Variants in STARD13 observed in about 807,000 individuals in gnomAD.
STARD13 encodes the protein StAR related lipid transfer domain containing 13.
A neutral mutation model predicts 106.4 loss-of-function variants in STARD13; 62 were observed. That is an observed-to-expected ratio of 0.58 (90% CI 0.48 to 0.72). The LOEUF (loss-of-function observed/expected upper bound fraction) is 0.72, where lower values mean the gene tolerates loss of function less well. Among genes scored for constraint, STARD13 ranks in the 30% least tolerant of loss-of-function variants. STARD13 has a pLI of 0.00. For missense variants in STARD13, 1,387 were observed against 1,424.0 expected, an observed-to-expected ratio of 0.97 and a Z score of 0.42; for synonymous variants, 565 against 553.0, an observed-to-expected ratio of 1.02 and a Z score of -0.31.
chr13:33,601,758 C>G, the STARD13 span, among the ~76,000 whole-genome samples: 7,306 of 152,220 alleles, frequency 0.048, 318 homozygotes, highest in East Asian at 0.25. Flanking sequence ...CTGGTCCTTC[C>G]TTTCACCATG....
chr13:33,439,137 T>G, the STARD13 span, among the ~76,000 whole-genome samples: 19 of 152,186 alleles, frequency 1.2e-4, no homozygotes, highest in Non-Finnish European at 2.6e-4. Context: ...AAATGAAAAG[T>G]ACAACAACAG....
chr13:33,324,455 C>T (rs1893668194), intron 1 of STARD13, among the ~76,000 whole-genome samples: 1 of 152,190 alleles, frequency 6.6e-6, no homozygotes, highest in African/African-American at 2.4e-5. Flanking sequence ...ATTTTGTAAT[C>T]GTGTATCTTT....
intron 1 of STARD13, among the ~76,000 whole-genome samples, chr13:33,265,614 T>C (rs57150318): frequency 0.2 from 31,165 of 152,106 alleles, 3,709 homozygotes; most frequent in African/African-American, 0.31. Flanking sequence ...ACTATAATGT[T>C]AGCAGTTTAA....
the STARD13 span, among the ~76,000 whole-genome samples, chr13:33,645,404 C>G: frequency 1.3e-5 from 2 of 152,134 alleles, no homozygotes; most frequent in African/African-American, 4.8e-5. Flanking sequence ...TGGATTCACC[C>G]AGCTGAGCTC....
the STARD13 span, among the ~76,000 whole-genome samples, chr13:33,510,611 T>G: frequency 6.6e-6 from 1 of 152,140 alleles, no homozygotes; most frequent in African/African-American, 2.4e-5. Flanking sequence ...AAGCTCTCCC[T>G]GGGTCTTCTG....
At chr13:33,231,254 G>A (rs551641955) in intron 1 of STARD13, among the ~76,000 whole-genome samples, 8 of 152,178 alleles carry the variant, frequency 5.3e-5, no homozygotes, top group African/African-American at 4.8e-5. Flanking sequence ...GGCAGCCATC[G>A]GTGCATAAGG....
the STARD13 span, among the ~76,000 whole-genome samples, chr13:33,662,788 C>T: frequency 6.6e-6 from 1 of 152,164 alleles, no homozygotes; most frequent in Non-Finnish European, 1.5e-5. Context: ...AATTTGAAAA[C>T]AGCTACAACC....
the STARD13 span, among the ~76,000 whole-genome samples, chr13:33,553,009 A>AT: frequency 6.6e-6 from 1 of 152,200 alleles, no homozygotes. Context: ...AAAATATAAT[A>AT]TGGATATAGG....
the STARD13 span, among the ~76,000 whole-genome samples, chr13:33,395,233 T>C: frequency 8.5e-5 from 13 of 152,224 alleles, no homozygotes; most frequent in Admixed American, 7.8e-4. Flanking sequence ...TTAAAATCTC[T>C]ATTAATTTTC....
chr13:33,476,560 A>G, the STARD13 span, among the ~76,000 whole-genome samples: 1 of 152,186 alleles, frequency 6.6e-6, no homozygotes, highest in Non-Finnish European at 1.5e-5. Context: ...CCATTTTTGT[A>G]ATGAAGGAGA....
the STARD13 span, among the ~76,000 whole-genome samples, chr13:33,616,880 AG>A: frequency 3.1e-4 from 47 of 152,282 alleles, no homozygotes; most frequent in Admixed American, 1.0e-3. Flanking sequence ...GGTCGGGAAA[AG>A]TTTCCTCAAG....
At chr13:33,608,063 C>T in the STARD13 span, among the ~76,000 whole-genome samples, 1 of 152,150 alleles carries the variant, frequency 6.6e-6, no homozygotes, top group Admixed American at 6.6e-5. Flanking sequence ...GCATGTGCCA[C>T]CATGCCCTTT....
rs116325403 is a variant in STARD13, at chr13:33,159,108, G to A, written c.323+6229C>T. On this transcript the variant is annotated intron_variant, in intron 3 of 13. Transcript: ENST00000336934. ...TTTATACAAGCCGGGCCCTTATCAG[G>A]AGCACTGTGGTGTCTAGTATTGCAG... Among the ~76,000 whole-genome samples the A allele has an allele frequency of 6.2e-3, 943 of 152,240 alleles. 16 individuals carry two copies. The highest frequency in any genetic ancestry group is 0.021 in the African/African-American group (865 of 41,534).
chr13:33,496,308 A>C, the STARD13 span, among the ~76,000 whole-genome samples: 1 of 150,346 alleles, frequency 6.7e-6, no homozygotes, highest in African/African-American at 2.4e-5. Flanking sequence ...ATAAATTAAA[A>C]ATAAACTCAG....
At chr13:33,666,975 T>A in the STARD13 span, among the ~76,000 whole-genome samples, 1 of 152,242 alleles carries the variant, frequency 6.6e-6, no homozygotes, top group Non-Finnish European at 1.5e-5. Context: ...TTGGGACAAA[T>A]GCTGTGAAGA....
At chr13:33,563,866 A>G in the STARD13 span, among the ~76,000 whole-genome samples, 2 of 147,514 alleles carry the variant, frequency 1.4e-5, 1 homozygote, top group African/African-American at 5.1e-5. Flanking sequence ...GAGCTCAAAC[A>G]ACTTAGTAGC....
chr13:33,309,993 T>C (rs1893070662), intron 1 of STARD13, among the ~76,000 whole-genome samples: 1 of 152,226 alleles, frequency 6.6e-6, no homozygotes, highest in Non-Finnish European at 1.5e-5. Context: ...GTAGGGTCTA[T>C]TGACATCATG....
intron 1 of STARD13, among the ~76,000 whole-genome samples, chr13:33,247,509 A>C (rs1035057751): frequency 1.3e-5 from 2 of 152,010 alleles, no homozygotes; most frequent in African/African-American, 4.8e-5. Flanking sequence ...TAGTCTTTTC[A>C]TAACATGTTT....
At chr13:33,570,199 T>C in the STARD13 span, among the ~76,000 whole-genome samples, 3 of 148,068 alleles carry the variant, frequency 2.0e-5, no homozygotes, top group African/African-American at 7.4e-5. Context: ...TGCCACTGTG[T>C]ATCAATAAAG....
Sources: allele counts gnomAD v4.1 joint callset (sites outside exome capture counted in the v4.1 genomes callset), GRCh38; gene constraint gnomAD v4.1.1; transcripts MANE v1.5; gene names NCBI Gene and HGNC (gene_info 2026-07-23, HGNC 2026-07-21).